The following GPAT3 variants were observed in gnomAD, a reference collection of about 807,000 sequenced individuals.
GPAT3 encodes the protein 1-AGP acyltransferase 9.
A neutral mutation model predicts 58.8 loss-of-function variants in GPAT3; 53 were observed. The observed-to-expected ratio is 0.90, with a 90% CI of 0.72 to 1.13. The LOEUF (loss-of-function observed/expected upper bound fraction) is 1.13, where lower values mean the gene tolerates loss of function less well. GPAT3 is among the 50% of genes most tolerant of loss of function. The pLI is 0.00. For synonymous variants in GPAT3, 197 were observed against 187.4 expected (o/e 1.05, Z -0.42); for missense variants, 511 against 527.6 (o/e 0.97, Z 0.31).
Position 83,604,975 on chromosome 4 carries a change from G to C in GPAT3, c.*208G>C, listed in dbSNP as rs181275321. Reference sequence around the variant, plus strand: ...GTAACATTAGCCCCATGGATTGTAAGGTGGTTTACTGAGTTAAAACAGATT... The same window carrying C: ...GTAACATTAGCCCCATGGATTGTAACGTGGTTTACTGAGTTAAAACAGATT... On this transcript the variant is annotated 3_prime_UTR_variant, in exon 12 of 12. Transcript: ENST00000264409. The C allele has an allele frequency of 4.6e-5, 22 of 482,410 alleles. No homozygotes were observed. Among genetic ancestry groups the C allele is most frequent in the African/African-American group, 4.3e-4 (22 of 50,870 alleles). 29.9% of individuals were successfully genotyped at this position (482,410 alleles called of 1,614,324 possible). A position where few individuals can be genotyped will look rare whatever the true frequency, so the allele number is the denominator to read the frequency against.
chr4:83,562,795 T>TATAGACAGACAGATAGATAGATAGATAG (rs138756388), intron 2 of GPAT3, among the ~76,000 whole-genome samples: 39 of 150,624 alleles, frequency 2.6e-4, no homozygotes, highest in African/African-American at 9.6e-4. Flanking sequence ...TAGAAAGAGA[T>TATAGACAGACAGATAGATAGATAGATAG]ATAGATAGAT....
chr4:83,542,403 C>T (rs1578157750), intron 1 of GPAT3, among the ~76,000 whole-genome samples: 2 of 152,148 alleles, frequency 1.3e-5, no homozygotes, highest in African/African-American at 4.8e-5. Flanking sequence ...AGGATGCAAT[C>T]AGATTAAGAC....
chr4:83,573,681 T>C (rs910315116), intron 2 of GPAT3, among the ~76,000 whole-genome samples: 1 of 152,182 alleles, frequency 6.6e-6, no homozygotes, highest in African/African-American at 2.4e-5. Flanking sequence ...CTGGCTTCTT[T>C]GCCAAGGATC....
At chr4:83,580,818 C>T (rs1390214851) in intron 2 of GPAT3, among the ~76,000 whole-genome samples, 14 of 152,102 alleles carry the variant, frequency 9.2e-5, no homozygotes, top group East Asian at 1.9e-4. Flanking sequence ...AAAAATCGGC[C>T]GGGCGTGGTG....
intron 1 of GPAT3, among the ~76,000 whole-genome samples, chr4:83,543,312 T>A (rs1424849389): frequency 1.3e-5 from 2 of 152,120 alleles, no homozygotes; most frequent in African/African-American, 2.4e-5. Context: ...CAATAATAAT[T>A]ATTACAGTAC....
At chr4:83,546,077 C>T (rs1724493576) in intron 2 of GPAT3, among the ~76,000 whole-genome samples, 1 of 152,130 alleles carries the variant, frequency 6.6e-6, no homozygotes, top group Non-Finnish European at 1.5e-5. Flanking sequence ...CTCTGCCTCC[C>T]AGGTTCAAGT....
In GPAT3 at chr4:83,539,895, C is replaced by T. The variant is rs558843734; in HGVS notation, c.141+3132C>T. On this transcript the variant is annotated intron_variant, in intron 1 of 11. Coordinates refer to ENST00000264409, the MANE Select transcript of GPAT3 (RefSeq NM_032717.5). ...AAACTTGGCCAGGTGCGGTGGCTCACGCCTGTAATCCCAGCACTTTGGGAA... is the reference window on the plus strand; with the variant it reads ...AAACTTGGCCAGGTGCGGTGGCTCATGCCTGTAATCCCAGCACTTTGGGAA... Among the ~76,000 whole-genome samples the T allele has an allele frequency of 1.4e-4, 21 of 152,232 alleles. No homozygotes were observed. In the South Asian group the frequency reaches 1.9e-3, roughly 14 times the overall value.
At chr4:83,553,814 G>A (rs13146776) in intron 2 of GPAT3, among the ~76,000 whole-genome samples, 7,203 of 151,988 alleles carry the variant, frequency 0.047, 292 homozygotes, top group East Asian at 0.21. Context: ...GAGGTCAAGG[G>A]TGCAGAGAGC....
chr4:83,602,361 G>T (rs1330053548), intron 11 of GPAT3, among the ~76,000 whole-genome samples: 1 of 152,068 alleles, frequency 6.6e-6, no homozygotes, highest in Non-Finnish European at 1.5e-5. Context: ...CAGGCCATAT[G>T]CAATTGTATA....
At chr4:83,593,443 G>A (rs1726688241) in intron 6 of GPAT3, among the ~76,000 whole-genome samples, 1 of 151,584 alleles carries the variant, frequency 6.6e-6, no homozygotes, top group African/African-American at 2.4e-5. Flanking sequence ...TGGGAATACA[G>A]GTGTGAACCA....
At chr4:83,535,987 C>A (rs1724062968), upstream of GPAT3, 2 of 985,394 alleles carry the variant, frequency 2.0e-6, no homozygotes, top group African/African-American at 1.7e-5. Context: ...GAACGGAGAC[C>A]GCCCAGGAGG....
rs146052303 is a variant in GPAT3 at position 83,604,626 on chromosome 4, C to T, written c.1206-42C>T. 151 of 1,501,328 alleles carry T rather than the reference C, an allele frequency of 1.0e-4. No individual in the cohort carries two copies. In the African/African-American group the frequency reaches 1.6e-3, roughly 16 times the overall value. 93.0% of individuals were successfully genotyped at this position (1,501,328 alleles called of 1,614,324 possible). A position where few individuals can be genotyped will look rare whatever the true frequency, so the allele number is the denominator to read the frequency against. On this transcript the variant is annotated intron_variant, in intron 11 of 11. Transcript: ENST00000264409. ...TATTAAGTTAACTCTTTTAAATCAC[C>T]GCTGTAAAGTATCTTTTATGTATTT...
At chr4:83,565,732 TAGAA>T (rs1258379262) in intron 2 of GPAT3, among the ~76,000 whole-genome samples, 1 of 152,124 alleles carries the variant, frequency 6.6e-6, no homozygotes, top group Non-Finnish European at 1.5e-5. Context: ...ACAAAGGAAT[TAGAA>T]AGAGACAAAA....
intron 11 of GPAT3, among the ~76,000 whole-genome samples, chr4:83,600,802 G>A (rs1004665639): frequency 4.6e-5 from 7 of 151,984 alleles, no homozygotes; most frequent in Non-Finnish European, 7.4e-5. Context: ...GATCCTGGCC[G>A]GGAGATTGGA....
At chr4:83,584,871 AAC>A (rs1484416623) in intron 3 of GPAT3, among the ~76,000 whole-genome samples, 5 of 152,238 alleles carry the variant, frequency 3.3e-5, no homozygotes, top group African/African-American at 1.2e-4. Flanking sequence ...GCTCTTAAAA[AAC>A]AGACTGTGGC....
intron 2 of GPAT3, among the ~76,000 whole-genome samples, chr4:83,577,331 C>T (rs1032820173): frequency 2.0e-5 from 3 of 152,144 alleles, no homozygotes; most frequent in Non-Finnish European, 4.4e-5. Context: ...AGTGAGACAA[C>T]TGTCAGAATT....
chr4:83,580,964 C>T (rs1460522408), intron 2 of GPAT3, among the ~76,000 whole-genome samples: 7 of 151,880 alleles, frequency 4.6e-5, no homozygotes, highest in East Asian at 1.9e-4. Context: ...ACTGTGGTGG[C>T]GGGTGCCTGT....
chr4:83,584,019 C>T (rs1348931414), intron 3 of GPAT3, among the ~76,000 whole-genome samples: 1 of 152,014 alleles, frequency 6.6e-6, no homozygotes, highest in Non-Finnish European at 1.5e-5. Flanking sequence ...AAGCTTTAGT[C>T]AAGTTTAATA....
chr4:83,597,386 C>T, intron 8 of GPAT3, 44 bp from the exon 9 acceptor site: 2 of 998,932 alleles, frequency 2.0e-6, no homozygotes, highest in Non-Finnish European at 2.8e-6. Context: ...TTTAAAATGA[C>T]TGCCTTTAAA....
Sources: allele counts gnomAD v4.1 joint callset (sites outside exome capture counted in the v4.1 genomes callset), GRCh38; gene constraint gnomAD v4.1.1; transcripts MANE v1.5; gene names NCBI Gene and HGNC (gene_info 2026-07-23, HGNC 2026-07-21).